Variants in ZBTB22 observed in about 807,000 individuals in gnomAD.
ZBTB22 encodes zinc finger and BTB domain-containing protein 22.
For synonymous variants in ZBTB22, 356 were observed against 347.3 expected (o/e 1.03, Z -0.28); for missense variants, 668 against 834.1 (o/e 0.80, Z 2.45).
chr6:33,314,701 C>G lies in ZBTB22; in HGVS notation c.*311G>C. ...AACCACCTGACCCCTGACCCTGTGACTGCAGGATGTTCAACACGCCCCCTC... is the reference window on the plus strand; with the variant it reads ...AACCACCTGACCCCTGACCCTGTGAGTGCAGGATGTTCAACACGCCCCCTC... On this transcript the variant is annotated 3_prime_UTR_variant, in exon 2 of 2. Transcript: ENST00000431845. 2.5e-6 allele frequency: 1 copy of G among 399,254 alleles called. No individual in the cohort carries two copies. Among genetic ancestry groups the G allele is most frequent in the Admixed American group, 4.2e-5 (1 of 24,058 alleles). 24.7% of individuals were successfully genotyped at this position (399,254 alleles called of 1,614,324 possible). A position where few individuals can be genotyped will look rare whatever the true frequency, so the allele number is the denominator to read the frequency against.
Position 33,316,252 on chromosome 6 carries a change from T to C in ZBTB22, c.665A>G (p.Gln222Arg), listed in dbSNP as rs1769867750. ...RESTDFSSSS[Q>R]EAFAASAVGS... Reference sequence around the variant, plus strand: ...CACTGCAGAAGCTGCAAATGCCTCTTGGGAGGAAGATGAGAAATCAGTGGA... The same window carrying C: ...CACTGCAGAAGCTGCAAATGCCTCTCGGGAGGAAGATGAGAAATCAGTGGA... Residue 222 changes from glutamine (Q) to arginine (R), a missense_variant, in exon 2 of 2, where the codon CAA becomes CGA. By Grantham distance (43) the Gln-to-Arg change is conservative. Transcript: ENST00000431845. The surrounding 1 kb of genome is among the most constrained non-coding windows in gnomAD (Gnocchi z 7.2). 6.2e-7 allele frequency: 1 copy of C among 1,614,026 alleles called. No homozygotes were observed. Among genetic ancestry groups the C allele is most frequent in the Non-Finnish European group, 8.5e-7 (1 of 1,180,034 alleles).
rs780033661 is a variant in ZBTB22, at chr6:33,315,190, G to A, written c.1727C>T (p.Pro576Leu). The A allele has an allele frequency of 8.7e-6, 14 of 1,612,502 alleles. No individual in the cohort carries two copies. Among genetic ancestry groups the A allele is most frequent in the Non-Finnish European group, 1.1e-5 (13 of 1,179,198 alleles). Residue 576 changes from proline to leucine, a missense_variant, in exon 2 of 2, where the codon CCT (proline) becomes CTT (leucine). Physicochemically the swap from Pro to Leu is moderately conservative, Grantham distance 98. Coordinates refer to ENST00000431845, the MANE Select transcript of ZBTB22 (RefSeq NM_005453.5). This position sits in a 1 kb window ranked among gnomAD's most constrained non-coding sequence, Gnocchi z 5.4. ...TGGCCCCGTGGGAGTCCCAGGCCCA[G>A]GTACGGCCCCGACCCCGCCCAGGCG... The part of the protein sequence containing the change: ...RHRLGGVGAV[P>L]GPGTPTGPSL...
Position 33,314,686 on chromosome 6 carries a change from C to A in ZBTB22, c.*326G>T, listed in dbSNP as rs187739469. 4.4e-5 allele frequency: 16 copies of A among 362,540 alleles called. No individual in the cohort carries two copies. The East Asian group carries it at 7.2e-4, about 16-fold the overall frequency. The allele number at this position is 362,540 out of a possible 1,614,324, so 22.5% of individuals were successfully genotyped here. A position where few individuals can be genotyped will look rare whatever the true frequency, so the allele number is the denominator to read the frequency against. On this transcript the variant is annotated 3_prime_UTR_variant, in exon 2 of 2. Coordinates refer to ENST00000431845, the MANE Select transcript of ZBTB22 (RefSeq NM_005453.5). ...TCAGGCACAGACTACAACCACCTGA[C>A]CCCTGACCCTGTGACTGCAGGATGT...
Position 33,316,096 on chromosome 6 carries a change from G to A in ZBTB22, c.821C>T (p.Ala274Val). The A allele has an allele frequency of 6.2e-7, 1 of 1,613,158 alleles. No individual in the cohort carries two copies. The highest frequency in any genetic ancestry group is 8.5e-7 in the Non-Finnish European group (1 of 1,179,940). The change falls in exon 2 of 2, where the codon GCA (alanine) becomes GTA (valine). Residue 274 changes from alanine (A) to valine (V), a missense_variant. Coordinates refer to ENST00000431845, the MANE Select transcript of ZBTB22 (RefSeq NM_005453.5). This position sits in a 1 kb window ranked among gnomAD's most constrained non-coding sequence, Gnocchi z 7.2. ...CCGGAGCCCAGCCCCAGGAACCACT[G>A]CCCCCCTCCCATCCCCACCATCATC... Reference protein sequence around the residue: ...LCDDGGDGRGAVVPGAGLRRP... With the variant: ...LCDDGGDGRGVVVPGAGLRRP...
rs925465650 is a variant in ZBTB22 at position 33,314,934 on chromosome 6, C to G, written c.*78G>C. ...AGACAGTAAGTGTGGTGGGAGATCA[C>G]CCGGGGGCCACAGCGCCCTTGCATC... On this transcript the variant is annotated 3_prime_UTR_variant, in exon 2 of 2. Coordinates refer to ENST00000431845, the MANE Select transcript of ZBTB22 (RefSeq NM_005453.5). 2.7e-6 allele frequency: 4 copies of G among 1,507,502 alleles called. No individual in the cohort carries two copies. Among genetic ancestry groups the G allele is most frequent in the Non-Finnish European group, 3.5e-6 (4 of 1,127,502 alleles). 93.4% of individuals were successfully genotyped at this position (1,507,502 alleles called of 1,614,324 possible). A position where few individuals can be genotyped will look rare whatever the true frequency, so the allele number is the denominator to read the frequency against.
At position 33,314,817 on chromosome 6, in the gene ZBTB22, T is replaced by C. The variant is rs1562705066; in HGVS notation, c.*195A>G. 2 of 1,111,594 alleles carry C rather than the reference T, an allele frequency of 1.8e-6. No homozygotes were observed. The highest frequency in any genetic ancestry group is 3.5e-5 in the Admixed American group (1 of 28,744). 68.9% of individuals were successfully genotyped at this position (1,111,594 alleles called of 1,614,324 possible). A position where few individuals can be genotyped will look rare whatever the true frequency, so the allele number is the denominator to read the frequency against. ...GAAGGGTTTAGTTCTGGAAATACCTTGGGGGGGAGGGGTTGAGTAGTAGAA... is the reference window on the plus strand; with the variant it reads ...GAAGGGTTTAGTTCTGGAAATACCTCGGGGGGGAGGGGTTGAGTAGTAGAA... On this transcript the variant is annotated 3_prime_UTR_variant, in exon 2 of 2. Coordinates refer to ENST00000431845, the MANE Select transcript of ZBTB22 (RefSeq NM_005453.5).
Position 33,314,995 on chromosome 6 carries a change from C to G in ZBTB22, c.*17G>C. The G allele has an allele frequency of 6.5e-7, 1 of 1,527,520 alleles. No individual in the cohort carries two copies. The allele number at this position is 1,527,520 out of a possible 1,614,324, so 94.6% of individuals were successfully genotyped here. ...TTCCCTTTCCCGAAAGCTACCCCAC[C>G]CCAGTAGCCTGCCCCTTCAGTTTGC... On this transcript the variant is annotated 3_prime_UTR_variant, in exon 2 of 2. Transcript: ENST00000431845.
intron 1 of ZBTB22, 116 bp from the exon 2 acceptor site, chr6:33,317,101 G>T: frequency 2.9e-6 from 2 of 684,238 alleles, no homozygotes; most frequent in Non-Finnish European, 4.8e-6. Flanking sequence ...AGTGAGGTAG[G>T]TATTCCTCTC....
In ZBTB22 at chr6:33,315,684, G is replaced by C. The variant is rs1168663627; in HGVS notation, c.1233C>G (p.His411Gln). 1 of 1,613,826 alleles carries C rather than the reference G, an allele frequency of 6.2e-7. No individual in the cohort carries two copies. The highest frequency in any genetic ancestry group is 8.5e-7 in the Non-Finnish European group (1 of 1,179,878). Residue 411 changes from histidine (H) to glutamine (Q), a missense_variant, in exon 2 of 2, where the codon CAC becomes CAG. His to Gln is a conservative substitution (Grantham distance 24). Transcript: ENST00000431845. This position sits in a 1 kb window ranked among gnomAD's most constrained non-coding sequence, Gnocchi z 5.4. Reference sequence around the variant, plus strand: ...CCAAGGGAAGGAGCGGTCGAGGAGGGTGGGAGGGGGCATAGGAAGAGGGAG... The same window carrying C: ...CCAAGGGAAGGAGCGGTCGAGGAGGCTGGGAGGGGGCATAGGAAGAGGGAG... ...GPTPSSYAPS[H>Q]PPRPLLPLDM...
Position 33,314,898 on chromosome 6 carries a change from G to C in ZBTB22, c.*114C>G. 1 of 1,474,900 alleles carries C rather than the reference G, an allele frequency of 6.8e-7. No individual in the cohort carries two copies. Among genetic ancestry groups the C allele is most frequent in the Non-Finnish European group, 9.0e-7 (1 of 1,111,514 alleles). 91.4% of individuals were successfully genotyped at this position (1,474,900 alleles called of 1,614,324 possible). On this transcript the variant is annotated 3_prime_UTR_variant, in exon 2 of 2. Coordinates refer to ENST00000431845, the MANE Select transcript of ZBTB22 (RefSeq NM_005453.5). ...CTTCCAGAATATATACAAGTCCACA[G>C]AGATAAAGGAAGACAGTAAGTGTGG...
Position 33,316,893 on chromosome 6 carries a change from G to A in ZBTB22, c.24C>T (p.Pro8=). 1 of 1,606,730 alleles carries A rather than the reference G, an allele frequency of 6.2e-7. No homozygotes were observed. Among genetic ancestry groups the A allele is most frequent in the African/African-American group, 1.3e-5 (1 of 74,948 alleles). The change falls in exon 2 of 2, where the codon CCC becomes CCT. Residue 8 remains proline, a synonymous_variant. Transcript: ENST00000431845. The surrounding 1 kb of genome is among the most constrained non-coding windows in gnomAD (Gnocchi z 7.2). Reference sequence around the variant, plus strand: ...GCGGCAGGGGAAGTGCTGCCCCACTGGGAGACAGAGGAGATGGCTCCATGT... The same window carrying A: ...GCGGCAGGGGAAGTGCTGCCCCACTAGGAGACAGAGGAGATGGCTCCATGT... MEPSPLS[P]SGAALPLPLS...
chr6:33,317,495 A>AC (rs9257105), intron 1 of ZBTB22, among the ~76,000 whole-genome samples, 158 bp downstream of exon 1: 43,797 of 84,022 alleles, frequency 0.52, 10,485 homozygotes, highest in East Asian at 0.66. Flanking sequence ...TTCCAGGCCC[A>AC]CCCCCCCGTG....
chr6:33,317,432 G>T (rs1220186639), intron 1 of ZBTB22, among the ~76,000 whole-genome samples: 1 of 150,720 alleles, frequency 6.6e-6, no homozygotes, highest in Admixed American at 6.6e-5. Flanking sequence ...TGCCCCCCAA[G>T]CTCTCTCGCC....
rs1363735783 is a variant in ZBTB22 at position 33,316,637 on chromosome 6, TGGAGGTCATGCCTTTGAGTA to T, written c.260_279del (p.Leu87HisfsTer13). 1.9e-6 allele frequency: 3 copies of T among 1,614,104 alleles called. No homozygotes were observed. The highest frequency in any genetic ancestry group is 2.5e-6 in the Non-Finnish European group (3 of 1,179,998). The stretch of plus-strand genomic sequence containing the variant: ...GGGTCCATGACACTGGGCAGCGAGA[TGGAGGTCATGCCTTTGAGTA>T]GGACCTGATCATGGAAGTAAGGGGA... On this transcript the variant is annotated frameshift_variant, in exon 2 of 2. Transcript: ENST00000431845. LOFTEE classifies it low-confidence loss of function (END_TRUNC). This position sits in a 1 kb window ranked among gnomAD's most constrained non-coding sequence, Gnocchi z 7.2.
rs1285488760 is a variant in ZBTB22, at chr6:33,315,485, C to T, written c.1432G>A (p.Gly478Ser). The change falls in exon 2 of 2, where the codon GGC becomes AGC. Residue 478 changes from glycine (G) to serine (S), a missense_variant. By Grantham distance (56) the Gly-to-Ser change is moderately conservative (BLOSUM62 0). Coordinates refer to ENST00000431845, the MANE Select transcript of ZBTB22 (RefSeq NM_005453.5). The surrounding 1 kb of genome is among the most constrained non-coding windows in gnomAD (Gnocchi z 5.4). ...AAGATCTTATTCCCGTCCCCACTGC[C>T]AGTCCCTCCAGGGACCCCACCAACG... ...GSVGGVPGGT[G>S]SGDGNKIFLC... is the part of the protein sequence containing the mutation. The T allele has an allele frequency of 1.2e-6, 2 of 1,614,134 alleles. No homozygotes were observed. Among genetic ancestry groups the T allele is most frequent in the South Asian group, 1.1e-5 (1 of 91,088 alleles).
rs1769760570 is a variant in ZBTB22 at position 33,315,212 on chromosome 6, G to A, written c.1705C>T (p.Leu569=). The A allele has an allele frequency of 6.2e-7, 1 of 1,612,780 alleles. No homozygotes were observed. ...CCAGGTACGGCCCCGACCCCGCCCA[G>A]GCGGTGCCGGCGCTCACAGTGTCCT... ...HRGHCERRHR[L]GGVGAVPGPG... The change falls in exon 2 of 2, where the codon CTG becomes TTG. Residue 569 remains leucine, a synonymous_variant. Transcript: ENST00000431845. This position sits in a 1 kb window ranked among gnomAD's most constrained non-coding sequence, Gnocchi z 5.4.
At position 33,314,992 on chromosome 6, in the gene ZBTB22, C is replaced by T; in HGVS notation, c.*20G>A. 6.6e-7 allele frequency: 1 copy of T among 1,523,546 alleles called. No homozygotes were observed. Among genetic ancestry groups the T allele is most frequent in the Non-Finnish European group, 8.8e-7 (1 of 1,135,292 alleles). The allele number at this position is 1,523,546 out of a possible 1,614,324, so 94.4% of individuals were successfully genotyped here. On this transcript the variant is annotated 3_prime_UTR_variant, in exon 2 of 2. Transcript: ENST00000431845. The stretch of plus-strand genomic sequence containing the variant: ...TTATTCCCTTTCCCGAAAGCTACCC[C>T]ACCCCAGTAGCCTGCCCCTTCAGTT...
chr6:33,315,957 C>T lies in ZBTB22; in HGVS notation c.960G>A (p.Glu320=). 6.2e-7 allele frequency: 1 copy of T among 1,614,130 alleles called. No individual in the cohort carries two copies. The highest frequency in any genetic ancestry group is 2.2e-5 in the East Asian group (1 of 44,884). ...TPLVPQDPDL[E]EEEEEEDLVL... ...CCAGATCTTCCTCCTCCTCTTCCTCCTCCAGATCTGGGTCTTGGGGAACCA... is the reference window on the plus strand; with the variant it reads ...CCAGATCTTCCTCCTCCTCTTCCTCTTCCAGATCTGGGTCTTGGGGAACCA... The change falls in exon 2 of 2, where the codon GAG becomes GAA. Residue 320 remains glutamate (E), a synonymous_variant. Transcript: ENST00000431845. This position sits in a 1 kb window ranked among gnomAD's most constrained non-coding sequence, Gnocchi z 5.4.
In ZBTB22 at chr6:33,315,872, C is replaced by A. The variant is rs775109281; in HGVS notation, c.1045G>T (p.Gly349Trp). Residue 349 changes from glycine (G) to tryptophan (W), a missense_variant, in exon 2 of 2, where the codon GGG becomes TGG. Coordinates refer to ENST00000431845, the MANE Select transcript of ZBTB22 (RefSeq NM_005453.5). This position sits in a 1 kb window ranked among gnomAD's most constrained non-coding sequence, Gnocchi z 5.4. ...ELGGSSRVPVGGGPEATLSIS... is the reference protein window; with the variant it reads ...ELGGSSRVPVWGGPEATLSIS... ...CTGAGGGTAGCCTCAGGCCCTCCCC[C>A]CACTGGAACCCTGGAGCTACCCCCT... is the stretch of plus-strand genomic sequence containing the variant. 1 of 1,613,766 alleles carries A rather than the reference C, an allele frequency of 6.2e-7. No homozygotes were observed.
Sources: allele counts gnomAD v4.1 joint callset (sites outside exome capture counted in the v4.1 genomes callset), GRCh38; gene constraint gnomAD v4.1.1; non-coding constraint Gnocchi (gnomAD v3.1); transcripts MANE v1.5; gene names NCBI Gene and HGNC (gene_info 2026-07-23, HGNC 2026-07-21).